The following GALNTL5 variants were observed in gnomAD, a reference collection of about 807,000 sequenced individuals.
GALNTL5 encodes the protein inactive polypeptide N-acetylgalactosaminyltransferase-like protein 5.
A neutral mutation model predicts 51.0 loss-of-function variants in GALNTL5; 44 were observed. The ratio of observed to expected loss-of-function variants is 0.86; its 90% CI spans 0.68 to 1.11. The LOEUF is 1.11. GALNTL5 is among the 50% of genes least tolerant of loss of function. The probability of loss-of-function intolerance (pLI) is 0.00; values close to 1 mark genes in which losing one functional copy is unlikely to be tolerated. For synonymous variants in GALNTL5, 192 were observed against 182.8 expected (o/e 1.05, Z -0.41); for missense variants, 528 against 531.8 (o/e 0.99, Z 0.07).
At chr7:151,981,607 C>G in intron 3 of GALNTL5, among the ~76,000 whole-genome samples, 1 of 56,592 alleles carries the variant, frequency 1.8e-5, no homozygotes, top group African/African-American at 8.8e-5. Flanking sequence ...CCTTCCTTCC[C>G]TCCTTCCTTC....
rs540099120 is a variant in GALNTL5 at position 151,983,287 on chromosome 7, C to T, written c.535+135C>T. On this transcript the variant is annotated intron_variant, in intron 4 of 8. Transcript: ENST00000392800. ...CTGCCTCCTGAGTTCAAGCGATTCT[C>T]CTGCCTCAGCCTCCCGTGCAGCTGG... The T allele has an allele frequency of 2.5e-5, 18 of 725,204 alleles. No homozygotes were observed. In the South Asian group the frequency reaches 2.8e-4, roughly 11 times the overall value. The allele number at this position is 725,204 out of a possible 1,614,324, so 44.9% of individuals were successfully genotyped here.
At chr7:152,015,501 A>C (rs1414444814) in intron 8 of GALNTL5, among the ~76,000 whole-genome samples, 3 of 152,000 alleles carry the variant, frequency 2.0e-5, no homozygotes, top group Admixed American at 6.6e-5. Context: ...CTGGGACTAC[A>C]GGCGCATACC....
In GALNTL5 at chr7:152,011,666, A is replaced by G. The variant is rs190696300; in HGVS notation, c.1027-2978A>G. 4.9e-3 allele frequency among the ~76,000 whole-genome samples: 742 copies of G among 152,360 alleles called. 3 individuals are homozygous for G. The highest frequency in any genetic ancestry group is 7.8e-3 in the Admixed American group (120 of 15,308). ...GGATGCTCTGGTGTGAAAACAAACCATATGTTCTGTAATAGAGAAATAGTC... is the reference window on the plus strand; with the variant it reads ...GGATGCTCTGGTGTGAAAACAAACCGTATGTTCTGTAATAGAGAAATAGTC... On this transcript the variant is annotated intron_variant, in intron 7 of 8. Transcript: ENST00000392800.
At chr7:152,006,356 G>A (rs2081642005) in intron 6 of GALNTL5, among the ~76,000 whole-genome samples, 1 of 152,228 alleles carries the variant, frequency 6.6e-6, no homozygotes, top group African/African-American at 2.4e-5. Context: ...TAATACGAAA[G>A]AGAGAAAAGG....
chr7:151,959,013 C>T (rs922967275), intron 1 of GALNTL5, among the ~76,000 whole-genome samples: 1 of 152,108 alleles, frequency 6.6e-6, no homozygotes, highest in African/African-American at 2.4e-5. Flanking sequence ...CTGGAAATAA[C>T]ACCATTTGAT....
intron 1 of GALNTL5, among the ~76,000 whole-genome samples, chr7:151,965,160 C>T (rs2081043018): frequency 6.6e-6 from 1 of 152,200 alleles, no homozygotes; most frequent in Non-Finnish European, 1.5e-5. Context: ...AGCCATGTGT[C>T]CACTGACTCA....
intron 4 of GALNTL5, among the ~76,000 whole-genome samples, chr7:151,983,556 T>G (rs930164938): frequency 1.3e-5 from 2 of 152,102 alleles, no homozygotes; most frequent in Non-Finnish European, 2.9e-5. Flanking sequence ...TGGTGGGTAT[T>G]GGGGCAGGCA....
At chr7:152,012,145 G>A (rs144209301) in intron 7 of GALNTL5, among the ~76,000 whole-genome samples, 12 of 152,320 alleles carry the variant, frequency 7.9e-5, no homozygotes, top group Admixed American at 3.9e-4. Context: ...CATGCATGAT[G>A]TGTGCTCACG....
At chr7:151,972,787 A>G (rs976201593) in intron 3 of GALNTL5, among the ~76,000 whole-genome samples, 2 of 152,206 alleles carry the variant, frequency 1.3e-5, no homozygotes, top group African/African-American at 4.8e-5. Context: ...TTCAGAGGAT[A>G]TATGGAAACA....
intron 5 of GALNTL5, among the ~76,000 whole-genome samples, chr7:151,996,288 A>G (rs1187162196): frequency 6.6e-6 from 1 of 151,990 alleles, no homozygotes; most frequent in Non-Finnish European, 1.5e-5. Context: ...TACATGTGCC[A>G]TGCTGGTGTG....
At chr7:151,999,445 C>G (rs2081543601) in intron 5 of GALNTL5, among the ~76,000 whole-genome samples, 1 of 152,214 alleles carries the variant, frequency 6.6e-6, no homozygotes, top group Non-Finnish European at 1.5e-5. Flanking sequence ...CTCTTTTCTT[C>G]AGTGGCTGCA....
Position 152,014,643 on chromosome 7 carries a change from G to C in GALNTL5, c.1027-1G>C. Reference sequence around the variant, plus strand: ...ATGTTTTTTGTTCTTCTTATGCCTAGATCTGGATGTGTGGAGGCCAACTCT... The same window carrying C: ...ATGTTTTTTGTTCTTCTTATGCCTACATCTGGATGTGTGGAGGCCAACTCT... On this transcript the variant is annotated splice_acceptor_variant, in intron 7 of 8. Transcript: ENST00000392800. LOFTEE classifies it high-confidence loss of function. 1 of 1,599,076 alleles carries C rather than the reference G, an allele frequency of 6.3e-7. No homozygotes were observed. Among genetic ancestry groups the C allele is most frequent in the East Asian group, 2.2e-5 (1 of 44,726 alleles).
chr7:152,018,035 G>A (rs377021650), intron 8 of GALNTL5, among the ~76,000 whole-genome samples: 2 of 152,076 alleles, frequency 1.3e-5, no homozygotes, highest in Non-Finnish European at 2.9e-5. Flanking sequence ...TAACAGAGAC[G>A]GGGTTTCACC....
At chr7:151,977,436 G>A (rs1544029) in intron 3 of GALNTL5, among the ~76,000 whole-genome samples, 62,791 of 151,888 alleles carry the variant, frequency 0.41, 13,194 homozygotes, top group Middle Eastern at 0.49. Context: ...TGAGCTCATA[G>A]GTTCACATAT....
intron 3 of GALNTL5, among the ~76,000 whole-genome samples, chr7:151,972,335 T>C (rs1172687406): frequency 6.6e-6 from 1 of 152,178 alleles, no homozygotes; most frequent in Non-Finnish European, 1.5e-5. Context: ...TATGGAACTT[T>C]GAACTTGAGG....
At chr7:152,016,064 C>G (rs770786708) in intron 8 of GALNTL5, among the ~76,000 whole-genome samples, 7 of 152,050 alleles carry the variant, frequency 4.6e-5, no homozygotes, top group Non-Finnish European at 1.0e-4. Flanking sequence ...ACTAAAACTT[C>G]AAAGAGCTAT....
At chr7:151,975,755 T>A (rs56850889) in intron 3 of GALNTL5, among the ~76,000 whole-genome samples, 5,912 of 151,840 alleles carry the variant, frequency 0.039, 198 homozygotes, top group East Asian at 0.2. Context: ...GTTTTGGTAT[T>A]TTTTTTTATT....
At chr7:151,966,939 T>C (rs1218983324) in intron 1 of GALNTL5, among the ~76,000 whole-genome samples, 1 of 152,238 alleles carries the variant, frequency 6.6e-6, no homozygotes, top group Non-Finnish European at 1.5e-5. Flanking sequence ...TCTTTGATGG[T>C]ATTTCCTATA....
chr7:151,964,025 A>G (rs1163416054), intron 1 of GALNTL5, among the ~76,000 whole-genome samples: 4 of 152,032 alleles, frequency 2.6e-5, no homozygotes, highest in African/African-American at 4.8e-5. Context: ...TGATTTTCCT[A>G]CAGTTCTGGA....
Sources: gnomAD v4.1 joint callset for allele counts (sites outside exome capture counted in the v4.1 genomes callset) on GRCh38, gnomAD v4.1.1 for gene constraint, MANE v1.5 for transcripts, NCBI Gene and HGNC (gene_info 2026-07-23, HGNC 2026-07-21) for gene names.